SATB2: variants seen among roughly 807,000 people sequenced by gnomAD.
The protein encoded by SATB2 is SATB homeobox 2.
Under a neutral mutation model 73.4 loss-of-function variants are expected in SATB2, and 1 was observed. The observed-to-expected ratio is 0.01, with a 90% CI of 0.00 to 0.06. The LOEUF is 0.06. Ranked by LOEUF, SATB2 falls within the 10% of genes least tolerant of loss-of-function variation. SATB2 has a pLI of 1.00. For missense variants in SATB2, 459 were observed against 945.8 expected, an observed-to-expected ratio of 0.49 and a Z score of 6.75; for synonymous variants, 397 against 367.0, an observed-to-expected ratio of 1.08 and a Z score of -0.93.
chr2:199,462,084 G>A (rs1163272322), upstream of SATB2, among the ~76,000 whole-genome samples: 1 of 152,160 alleles, frequency 6.6e-6, no homozygotes, highest in Non-Finnish European at 1.5e-5. This position sits in a 1 kb window ranked among gnomAD's most constrained non-coding sequence, Gnocchi z 5.9. Flanking sequence ...TTTCAAGTTC[G>A]GTCACCCAGG....
chr2:199,340,343 CAG>C (rs1229753480), intron 7 of SATB2, among the ~76,000 whole-genome samples: 3 of 152,130 alleles, frequency 2.0e-5, no homozygotes, highest in Non-Finnish European at 4.4e-5. Context: ...CACGTAAGAC[CAG>C]GATGCACAGC....
At chr2:199,410,636 G>A (rs751711306) in intron 3 of SATB2, among the ~76,000 whole-genome samples, 4 of 152,150 alleles carry the variant, frequency 2.6e-5, no homozygotes, top group Admixed American at 1.3e-4. Flanking sequence ...CCCAGCGCAC[G>A]CTACTATAAC....
At chr2:199,370,561 T>C (rs756738098) in intron 5 of SATB2, among the ~76,000 whole-genome samples, 1 of 151,988 alleles carries the variant, frequency 6.6e-6, no homozygotes, top group Non-Finnish European at 1.5e-5. Flanking sequence ...GTCTAGAAAG[T>C]TAACTAAAAC....
At chr2:199,381,577 T>C in intron 4 of SATB2, 117 bp downstream of exon 4, 1 of 1,424,186 alleles carries the variant, frequency 7.0e-7, no homozygotes, top group Non-Finnish European at 9.9e-7. Context: ...TCTCCTTCTT[T>C]TCATTTTGTC....
chr2:199,383,198 C>G (rs1689828610), intron 3 of SATB2, among the ~76,000 whole-genome samples: 1 of 152,164 alleles, frequency 6.6e-6, no homozygotes. Context: ...TAACACAGCT[C>G]TCATTCATAG....
At chr2:199,437,957 G>C (rs1691700308) in intron 2 of SATB2, among the ~76,000 whole-genome samples, 1 of 152,058 alleles carries the variant, frequency 6.6e-6, no homozygotes, top group Admixed American at 6.6e-5. Flanking sequence ...GGCAAAAAAG[G>C]TGAAAGTGCT....
chr2:199,280,807 G>A (rs1003649851), intron 10 of SATB2, among the ~76,000 whole-genome samples: 3 of 152,054 alleles, frequency 2.0e-5, no homozygotes, highest in African/African-American at 2.4e-5. Context: ...TTTTAATTTC[G>A]CCCCTGTCCT....
At chr2:199,388,246 A>G (rs1690018432) in intron 3 of SATB2, among the ~76,000 whole-genome samples, 1 of 152,204 alleles carries the variant, frequency 6.6e-6, no homozygotes, top group Admixed American at 6.5e-5. Flanking sequence ...TAAGTCACTA[A>G]GATGCAAAGA....
chr2:199,295,772 G>C (rs1275252299), intron 10 of SATB2, among the ~76,000 whole-genome samples: 3 of 151,940 alleles, frequency 2.0e-5, no homozygotes, highest in Non-Finnish European at 4.4e-5. Flanking sequence ...AAAGGTGAAG[G>C]GTTATATGAT....
At chr2:199,324,640 T>C (rs1687981758) in intron 8 of SATB2, among the ~76,000 whole-genome samples, 1 of 152,174 alleles carries the variant, frequency 6.6e-6, no homozygotes, top group Admixed American at 6.5e-5. Flanking sequence ...AATTGAATGA[T>C]TTCCCATCAG....
At chr2:199,391,167 C>A (rs373789548) in intron 3 of SATB2, among the ~76,000 whole-genome samples, 4 of 151,938 alleles carry the variant, frequency 2.6e-5, no homozygotes, top group Non-Finnish European at 5.9e-5. Flanking sequence ...TATTTTAGGC[C>A]GGGCGCGGTG....
intron 10 of SATB2, among the ~76,000 whole-genome samples, chr2:199,283,841 TG>T (rs1243868477): frequency 6.6e-6 from 1 of 152,038 alleles, no homozygotes; most frequent in Non-Finnish European, 1.5e-5. Context: ...TGTGAAGAAA[TG>T]GGAAGCGCAT....
At position 199,328,763 on chromosome 2, in the gene SATB2, T is replaced by C. The variant is rs926443498; in HGVS notation, c.1321A>G (p.Met441Val). The C allele has an allele frequency of 3.3e-5, 53 of 1,613,988 alleles. No homozygotes were observed. Among genetic ancestry groups the C allele is most frequent in the Non-Finnish European group, 4.5e-5 (53 of 1,179,962 alleles). ...GAGACCATGCTCACATTGGGATTCA[T>C]GCTCCGCTCCCTCTCATCCTGGTAG... is the stretch of plus-strand genomic sequence containing the variant. ...RIYQDERERSMNPNVSMVSSA... is the reference protein window; with the variant it reads ...RIYQDERERSVNPNVSMVSSA... Residue 441 changes from methionine to valine, a missense_variant, in exon 8 of 11, where the codon ATG becomes GTG. This residue lies in a region of SATB2 where 53 missense variants were observed against 70.5 expected (regional missense o/e 0.75). Transcript: ENST00000417098.
chr2:199,359,266 T>C (rs1006625549), intron 6 of SATB2, among the ~76,000 whole-genome samples: 3 of 152,174 alleles, frequency 2.0e-5, no homozygotes, highest in African/African-American at 4.8e-5. Flanking sequence ...GGCCATTATA[T>C]TGAGGAAAAT....
chr2:199,307,857 T>A (rs896993952), intron 10 of SATB2, among the ~76,000 whole-genome samples: 1 of 152,216 alleles, frequency 6.6e-6, no homozygotes, highest in African/African-American at 2.4e-5. Flanking sequence ...TCCCTTTATA[T>A]TCTCCTCTTC....
intron 3 of SATB2, 90 bp downstream of exon 3, chr2:199,433,248 C>T (rs2105928690): frequency 7.6e-7 from 1 of 1,311,162 alleles, no homozygotes; most frequent in Non-Finnish European, 1.1e-6. Context: ...CTCCTTCAAC[C>T]TTTGTTTGGA....
At chr2:199,326,018 T>C (rs866798082) in intron 8 of SATB2, 1 of 152,062 alleles carries the variant, frequency 6.6e-6, no homozygotes, top group Non-Finnish European at 1.5e-5. Context: ...ATAGATGGGG[T>C]CTGGAAAATA....
intron 3 of SATB2, among the ~76,000 whole-genome samples, chr2:199,428,627 A>T (rs1052245207): frequency 6.6e-6 from 1 of 152,166 alleles, no homozygotes; most frequent in African/African-American, 2.4e-5. Flanking sequence ...GAAATGTATA[A>T]CTTACTTCAA....
chr2:199,449,102 G>C (rs1375875215), intron 2 of SATB2, among the ~76,000 whole-genome samples: 1 of 152,014 alleles, frequency 6.6e-6, no homozygotes, highest in African/African-American at 2.4e-5. Flanking sequence ...TTAGGCATTT[G>C]TCAAACTAAT....
Sources: gnomAD v4.1 joint callset for allele counts (sites outside exome capture counted in the v4.1 genomes callset) on GRCh38, gnomAD v4.1.1 for gene constraint, gnomAD v4.1.1 regional missense constraint, Gnocchi (gnomAD v3.1) non-coding constraint, MANE v1.5 for transcripts, NCBI Gene and HGNC (gene_info 2026-07-23, HGNC 2026-07-21) for gene names.